Variants in REDIC1 observed in about 807,000 individuals in gnomAD.
The protein encoded by REDIC1 is regulator of DNA class I crossover intermediates 1.
chr12:39,896,534 ATGTATGTATGTG>A, the REDIC1 span, among the ~76,000 whole-genome samples: 1 of 141,112 alleles, frequency 7.1e-6, no homozygotes, highest in African/African-American at 2.8e-5. Flanking sequence ...GTATACATGT[ATGTATGTATGTG>A]TGTATACATG....
chr12:39,661,601 G>T, the REDIC1 span, among the ~76,000 whole-genome samples: 3 of 152,028 alleles, frequency 2.0e-5, no homozygotes, highest in Admixed American at 1.3e-4. Flanking sequence ...CATTCAACAG[G>T]TTGTCTCTTC....
the REDIC1 span, among the ~76,000 whole-genome samples, chr12:39,826,427 CA>C: frequency 6.6e-6 from 1 of 150,424 alleles, no homozygotes; most frequent in Non-Finnish European, 1.5e-5. Flanking sequence ...ATTGTAAAAA[CA>C]GTTATATTTA....
the REDIC1 span, among the ~76,000 whole-genome samples, chr12:39,693,116 T>C: frequency 6.6e-6 from 1 of 152,160 alleles, no homozygotes; most frequent in African/African-American, 2.4e-5. Flanking sequence ...AATGTGTCTT[T>C]AATATGTCTA....
chr12:39,753,793 A>AG, the REDIC1 span, among the ~76,000 whole-genome samples: 1 of 152,172 alleles, frequency 6.6e-6, no homozygotes, highest in Non-Finnish European at 1.5e-5. Flanking sequence ...ATTCATTGAT[A>AG]ACCTTCACTA....
the REDIC1 span, among the ~76,000 whole-genome samples, chr12:39,669,755 G>A: frequency 6.6e-6 from 1 of 152,216 alleles, no homozygotes; most frequent in African/African-American, 2.4e-5. Flanking sequence ...CGCCGTGGTG[G>A]GCGCCCCTCC....
At chr12:39,769,489 T>C in the REDIC1 span, among the ~76,000 whole-genome samples, 1 of 151,902 alleles carries the variant, frequency 6.6e-6, no homozygotes, top group South Asian at 2.1e-4. Flanking sequence ...AGCTTCTACT[T>C]TTCTATATTT....
chr12:39,716,914 C>G, the REDIC1 span: 7 of 973,420 alleles, frequency 7.2e-6, no homozygotes, highest in South Asian at 2.0e-4. Context: ...TTACCTTTAC[C>G]CTATAAAACT....
At chr12:39,808,513 A>C in the REDIC1 span, among the ~76,000 whole-genome samples, 1 of 152,140 alleles carries the variant, frequency 6.6e-6, no homozygotes, top group Non-Finnish European at 1.5e-5. Context: ...CTTCAGAAGA[A>C]ACCTCCAAAC....
chr12:39,886,249 G>GA, the REDIC1 span, among the ~76,000 whole-genome samples: 1 of 152,164 alleles, frequency 6.6e-6, no homozygotes, highest in Non-Finnish European at 1.5e-5. Flanking sequence ...TTATTAAATA[G>GA]TAAATTAGGC....
the REDIC1 span, among the ~76,000 whole-genome samples, chr12:39,874,615 CAAAAAA>C: frequency 3.0e-5 from 3 of 101,116 alleles, no homozygotes; most frequent in South Asian, 3.3e-4. Flanking sequence ...AACTCCATCT[CAAAAAA>C]AAAAAAAAAA....
the REDIC1 span, among the ~76,000 whole-genome samples, chr12:39,704,074 C>G: frequency 2.0e-5 from 3 of 152,032 alleles, no homozygotes; most frequent in East Asian, 1.9e-4. Context: ...TTGACAAATG[C>G]GATCTAATTA....
chr12:39,882,351 C>T, the REDIC1 span, among the ~76,000 whole-genome samples: 1 of 152,178 alleles, frequency 6.6e-6, no homozygotes. Flanking sequence ...TTGAAAATTA[C>T]TTCCCCAAAC....
the REDIC1 span, among the ~76,000 whole-genome samples, chr12:39,828,692 T>A: frequency 6.9e-6 from 1 of 144,722 alleles, no homozygotes; most frequent in African/African-American, 2.6e-5. Flanking sequence ...TGTTTATAAT[T>A]CTAGACTAGT....
the REDIC1 span, among the ~76,000 whole-genome samples, chr12:39,882,690 A>T: frequency 4.0e-5 from 6 of 151,818 alleles, no homozygotes; most frequent in African/African-American, 1.5e-4. Flanking sequence ...ATCACCACCA[A>T]ATCTACCCAC....
chr12:39,699,507 G>C, the REDIC1 span, among the ~76,000 whole-genome samples: 3 of 150,974 alleles, frequency 2.0e-5, no homozygotes, highest in African/African-American at 7.3e-5. Flanking sequence ...ACTGGAAGGC[G>C]GCAGCAAGGC....
the REDIC1 span, among the ~76,000 whole-genome samples, chr12:39,699,461 GTC>G: frequency 6.6e-6 from 1 of 152,224 alleles, no homozygotes; most frequent in African/African-American, 2.4e-5. Context: ...CGCCCAGGGA[GTC>G]TCTCTGATTG....
the REDIC1 span, among the ~76,000 whole-genome samples, chr12:39,780,215 T>A: frequency 6.6e-6 from 1 of 152,198 alleles, no homozygotes; most frequent in Non-Finnish European, 1.5e-5. Context: ...AAGTCTTTTT[T>A]AAATATAGTG....
At chr12:39,827,832 CATT>C in the REDIC1 span, among the ~76,000 whole-genome samples, 1 of 152,030 alleles carries the variant, frequency 6.6e-6, no homozygotes, top group African/African-American at 2.4e-5. Context: ...AGTTCATCAA[CATT>C]ATTATACTAT....
the REDIC1 span, among the ~76,000 whole-genome samples, chr12:39,658,963 A>G: frequency 2.0e-5 from 3 of 152,014 alleles, no homozygotes; most frequent in African/African-American, 7.2e-5. Context: ...TATGTTTCTT[A>G]TATTTAAGCA....
Sources: allele counts gnomAD v4.1 joint callset (sites outside exome capture counted in the v4.1 genomes callset), GRCh38; gene constraint gnomAD v4.1.1; transcripts MANE v1.5; gene names NCBI Gene and HGNC (gene_info 2026-07-23, HGNC 2026-07-21).